The following FAM120B variants were observed in gnomAD, a reference collection of about 807,000 sequenced individuals.
FAM120B encodes the protein constitutive coactivator of peroxisome proliferator-activated receptor gamma.
A neutral mutation model predicts 96.3 loss-of-function variants in FAM120B; 83 were observed. The observed-to-expected ratio is 0.86, with a 90% CI of 0.72 to 1.03. FAM120B has a LOEUF of 1.03. Among genes scored for constraint, FAM120B ranks in the 50% least tolerant of loss-of-function variants. FAM120B has a pLI of 0.00. For synonymous variants in FAM120B, 407 were observed against 402.7 expected (o/e 1.01, Z -0.13); for missense variants, 1,027 against 1,121.2 (o/e 0.92, Z 1.20).
At position 170,323,214 on chromosome 6, in the gene FAM120B, C is replaced by T. The variant is rs763088271; in HGVS notation, c.1870C>T (p.Pro624Ser). The change falls in exon 3 of 11, where the codon CCC (proline) becomes TCC (serine). Residue 624 changes from proline to serine, a missense_variant. Coordinates refer to ENST00000476287, the MANE Select transcript of FAM120B (RefSeq NM_032448.3). ...ACCCAGCCAGGCCTTCATTTACCGTCCCATTCGACAGCGGGTCTACTCACT... is the reference window on the plus strand; with the variant it reads ...ACCCAGCCAGGCCTTCATTTACCGTTCCATTCGACAGCGGGTCTACTCACT... ...ALPSQAFIYR[P>S]IRQRVYSLLL... is the part of the protein sequence containing the mutation. 6.2e-7 allele frequency: 1 copy of T among 1,614,124 alleles called. No individual in the cohort carries two copies. The highest frequency in any genetic ancestry group is 8.5e-7 in the Non-Finnish European group (1 of 1,180,010).
chr6:170,401,578 G>GTA (rs1778587239), intron 9 of FAM120B, among the ~76,000 whole-genome samples: 1 of 152,168 alleles, frequency 6.6e-6, no homozygotes, highest in East Asian at 1.9e-4. Flanking sequence ...GGCACCGCCA[G>GTA]TATCTCCAGG....
intron 4 of FAM120B, among the ~76,000 whole-genome samples, chr6:170,341,314 C>T (rs894563278): frequency 1.3e-5 from 2 of 152,234 alleles, no homozygotes; most frequent in African/African-American, 2.4e-5. Flanking sequence ...AAACCGCCTA[C>T]CAATCCTCAG....
chr6:170,385,363 ATACTT>A (rs545528128), intron 6 of FAM120B, among the ~76,000 whole-genome samples: 37 of 149,874 alleles, frequency 2.5e-4, no homozygotes, highest in African/African-American at 9.0e-4. Context: ...TTAAATGAAT[ATACTT>A]TAAAAAAAAG....
chr6:170,400,436 A>C (rs1778502597), intron 9 of FAM120B, among the ~76,000 whole-genome samples: 1 of 152,034 alleles, frequency 6.6e-6, no homozygotes, highest in Non-Finnish European at 1.5e-5. Flanking sequence ...GCTTTTCTTT[A>C]TTTCTTTCAT....
chr6:170,320,443 G>T (rs901867002), intron 2 of FAM120B, among the ~76,000 whole-genome samples: 1 of 152,188 alleles, frequency 6.6e-6, no homozygotes, highest in African/African-American at 2.4e-5. Context: ...ATACAAAAGA[G>T]CTAGAATTAG....
At chr6:170,373,867 G>A (rs911816938) in intron 6 of FAM120B, among the ~76,000 whole-genome samples, 5 of 152,186 alleles carry the variant, frequency 3.3e-5, no homozygotes, top group Non-Finnish European at 7.3e-5. Flanking sequence ...TGTTCTTGTT[G>A]ATGCCGGATA....
chr6:170,364,280 C>G (rs1256138157), intron 6 of FAM120B, among the ~76,000 whole-genome samples: 1 of 152,188 alleles, frequency 6.6e-6, no homozygotes, highest in Non-Finnish European at 1.5e-5. Context: ...TGTTCAGCAG[C>G]ACCTTTCACA....
At chr6:170,397,648 G>A (rs577918655) in intron 9 of FAM120B, among the ~76,000 whole-genome samples, 23 of 152,306 alleles carry the variant, frequency 1.5e-4, no homozygotes, top group African/African-American at 4.8e-4. Context: ...TCTAGATCTA[G>A]GGTTTAGTAA....
At position 170,321,093 on chromosome 6, in the gene FAM120B, G is replaced by A. The variant is rs142747766; in HGVS notation, c.1734+1969G>A. On this transcript the variant is annotated intron_variant, in intron 2 of 10. Transcript: ENST00000476287. ...AGGAGAGTCCTCACAGGAAGGGAGT[G>A]CCTGGGCAAAGTGGTGGGTCGAGAG... Among the ~76,000 whole-genome samples the A allele has an allele frequency of 3.0e-3, 454 of 152,300 alleles. 1 individual carries two copies. The highest frequency in any genetic ancestry group is 0.011 in the African/African-American group (437 of 41,554).
intron 9 of FAM120B, among the ~76,000 whole-genome samples, chr6:170,396,820 G>A (rs959683557): frequency 1.1e-4 from 17 of 152,256 alleles, no homozygotes; most frequent in Non-Finnish European, 1.9e-4. Flanking sequence ...TGCTGCAGTT[G>A]ATTGGAGTAA....
At chr6:170,344,023 C>T (rs111485176) in intron 4 of FAM120B, among the ~76,000 whole-genome samples, 6 of 143,260 alleles carry the variant, frequency 4.2e-5, no homozygotes, top group Admixed American at 7.0e-5. Context: ...TCACCTGCAC[C>T]GTTGCCTGCG....
chr6:170,291,375 C>T (rs1783868104), upstream of FAM120B, among the ~76,000 whole-genome samples: 1 of 151,730 alleles, frequency 6.6e-6, no homozygotes, highest in South Asian at 2.1e-4. Flanking sequence ...CTCCGGGCCG[C>T]GGCGGCAGCC....
chr6:170,345,575 G>T (rs1787126718), intron 4 of FAM120B, among the ~76,000 whole-genome samples: 1 of 152,262 alleles, frequency 6.6e-6, no homozygotes, highest in African/African-American at 2.4e-5. Flanking sequence ...AGAGCACCTA[G>T]AATTGTATGT....
At chr6:170,384,749 C>T (rs576158570) in intron 6 of FAM120B, among the ~76,000 whole-genome samples, 2 of 152,292 alleles carry the variant, frequency 1.3e-5, no homozygotes, top group African/African-American at 4.8e-5. Flanking sequence ...TGGCCTTTGG[C>T]CTGCTTTTGT....
At chr6:170,371,860 C>T (rs1414789637) in intron 6 of FAM120B, among the ~76,000 whole-genome samples, 2 of 152,216 alleles carry the variant, frequency 1.3e-5, no homozygotes, top group Non-Finnish European at 2.9e-5. Flanking sequence ...CTGCCACCCT[C>T]AGGCTTGGAG....
intron 3 of FAM120B, among the ~76,000 whole-genome samples, chr6:170,328,315 C>CT (rs1286467399): frequency 2.0e-5 from 3 of 152,158 alleles, no homozygotes; most frequent in Admixed American, 6.5e-5. Flanking sequence ...GCACATTAGT[C>CT]TAGGACTCCA....
intron 6 of FAM120B, among the ~76,000 whole-genome samples, chr6:170,371,105 A>G (rs1480553391): frequency 6.6e-6 from 1 of 152,104 alleles, no homozygotes; most frequent in Non-Finnish European, 1.5e-5. Context: ...TGTCACCTCA[A>G]AAAGAAACCT....
At chr6:170,328,597 G>C (rs1785768701) in intron 3 of FAM120B, among the ~76,000 whole-genome samples, 1 of 151,816 alleles carries the variant, frequency 6.6e-6, no homozygotes, top group Non-Finnish European at 1.5e-5. Context: ...GCTGGATTTT[G>C]AGTAAGGTTC....
At chr6:170,391,886 G>C (rs918314475) in intron 8 of FAM120B, among the ~76,000 whole-genome samples, 2 of 152,204 alleles carry the variant, frequency 1.3e-5, no homozygotes, top group Non-Finnish European at 2.9e-5. Flanking sequence ...ACTCCATGCA[G>C]TTTGCATCCT....
Sources: gnomAD v4.1 joint callset for allele counts (sites outside exome capture counted in the v4.1 genomes callset) on GRCh38, gnomAD v4.1.1 for gene constraint, MANE v1.5 for transcripts, NCBI Gene and HGNC (gene_info 2026-07-23, HGNC 2026-07-21) for gene names.